DERA: variants seen among roughly 807,000 people sequenced by gnomAD.
DERA encodes the protein deoxyribose-phosphate aldolase.
In DERA, 15 loss-of-function variants were observed where a neutral mutation model predicts 41.1. The observed-to-expected ratio is 0.37, with a 90% CI of 0.24 to 0.56. DERA has a LOEUF of 0.56. DERA is among the 20% of genes least tolerant of loss of function. The probability of loss-of-function intolerance (pLI) is 0.81; values close to 1 mark genes in which losing one functional copy is unlikely to be tolerated. For missense variants in DERA, 396 were observed against 403.4 expected, an observed-to-expected ratio of 0.98 and a Z score of 0.16; for synonymous variants, 139 against 137.4, an observed-to-expected ratio of 1.01 and a Z score of -0.08.
chr12:15,921,921 T>C lies in DERA; in HGVS notation c.31+10507T>C, dbSNP rs891497836. Among the ~76,000 whole-genome samples, 7 of 84,950 alleles carry C rather than the reference T, an allele frequency of 8.2e-5. No individual in the cohort carries two copies. The highest frequency in any genetic ancestry group is 1.9e-4 in the Non-Finnish European group (7 of 37,014). 55.7% of individuals were successfully genotyped at this position (84,950 alleles called of 152,430 possible). A position where few individuals can be genotyped will look rare whatever the true frequency, so the allele number is the denominator to read the frequency against. On this transcript the variant is annotated intron_variant, in intron 1 of 8. Coordinates refer to ENST00000428559, the MANE Select transcript of DERA (RefSeq NM_015954.4). The surrounding 1 kb of genome is among the most constrained non-coding windows in gnomAD (Gnocchi z 5.3). Reference sequence around the variant, plus strand: ...AGCCTGGGTGACGAGCAAAACTCCATCTCAGATAATAATAATAATAATAAA... The same window carrying C: ...AGCCTGGGTGACGAGCAAAACTCCACCTCAGATAATAATAATAATAATAAA...
intron 6 of DERA, among the ~76,000 whole-genome samples, chr12:16,024,741 A>G (rs1949042119): frequency 6.6e-6 from 1 of 152,200 alleles, no homozygotes; most frequent in South Asian, 2.1e-4. Context: ...GGAGAAGAAA[A>G]CTTATATAGA....
intron 5 of DERA, among the ~76,000 whole-genome samples, chr12:15,977,201 T>G (rs1163211679): frequency 6.6e-6 from 1 of 152,008 alleles, no homozygotes; most frequent in Non-Finnish European, 1.5e-5. Context: ...TAGAAGGGAG[T>G]TGACATCCTT....
intron 7 of DERA, chr12:16,032,945 A>G (rs1592059899): frequency 3.3e-6 from 1 of 305,408 alleles, no homozygotes; most frequent in Non-Finnish European, 6.1e-6. Flanking sequence ...AGATTCCTAA[A>G]TGGGTTCTTT....
In DERA at chr12:16,026,868, T is replaced by C. The variant is rs947221162; in HGVS notation, c.638-5674T>C. Among the ~76,000 whole-genome samples, 2 of 152,106 alleles carry C rather than the reference T, an allele frequency of 1.3e-5. No individual in the cohort carries two copies. Among genetic ancestry groups the C allele is most frequent in the Non-Finnish European group, 2.9e-5 (2 of 67,974 alleles). On this transcript the variant is annotated intron_variant, in intron 6 of 8. Transcript: ENST00000428559. This position sits in a 1 kb window ranked among gnomAD's most constrained non-coding sequence, Gnocchi z 4.4. ...AAGACACTGCCAGAAAGAAAACCTATAGATGAACATCTTTAATGAACATAC... is the reference window on the plus strand; with the variant it reads ...AAGACACTGCCAGAAAGAAAACCTACAGATGAACATCTTTAATGAACATAC...
rs1948821448 is a variant in DERA at position 15,994,207 on chromosome 12, T to C, written c.637+11771T>C. On this transcript the variant is annotated intron_variant, in intron 6 of 8. Transcript: ENST00000428559. This position sits in a 1 kb window ranked among gnomAD's most constrained non-coding sequence, Gnocchi z 4.8. ...CTGATAGATTCAGGTATCACACATA[T>C]GAGTACAGTGGCATCAATGATATAT... Among the ~76,000 whole-genome samples the C allele has an allele frequency of 6.6e-6, 1 of 152,212 alleles. No individual in the cohort carries two copies. The highest frequency in any genetic ancestry group is 1.5e-5 in the Non-Finnish European group (1 of 68,030).
At chr12:15,916,813 TG>T (rs955174348) in intron 1 of DERA, among the ~76,000 whole-genome samples, 1 of 152,198 alleles carries the variant, frequency 6.6e-6, no homozygotes, top group African/African-American at 2.4e-5. Context: ...GGTCTTGCTG[TG>T]TTGCCTAGGC....
At chr12:15,953,420 A>G (rs1948513552) in intron 1 of DERA, among the ~76,000 whole-genome samples, 1 of 152,186 alleles carries the variant, frequency 6.6e-6, no homozygotes, top group South Asian at 2.1e-4. Flanking sequence ...TGCAGGGAAA[A>G]TGACCTCCAT....
intron 6 of DERA, among the ~76,000 whole-genome samples, chr12:16,029,318 G>T (rs1949074583): frequency 6.6e-6 from 1 of 152,176 alleles, no homozygotes; most frequent in Non-Finnish European, 1.5e-5. Context: ...AGCTACTCGG[G>T]AGGCTGAGGC....
At position 15,992,319 on chromosome 12, in the gene DERA, G is replaced by A. The variant is rs576261538; in HGVS notation, c.637+9883G>A. ...CCAAAATCTTGTAGAATTTGAACAT[G>A]TTATTTTAGAGGGCAACTCTTATTT... On this transcript the variant is annotated intron_variant, in intron 6 of 8. Coordinates refer to ENST00000428559, the MANE Select transcript of DERA (RefSeq NM_015954.4). The surrounding 1 kb of genome is among the most constrained non-coding windows in gnomAD (Gnocchi z 4.3). 2.6e-5 allele frequency among the ~76,000 whole-genome samples: 4 copies of A among 152,200 alleles called. No individual in the cohort carries two copies. In the South Asian group the frequency reaches 8.3e-4, roughly 32 times the overall value.
chr12:15,932,448 G>A (rs139343997), intron 1 of DERA, among the ~76,000 whole-genome samples: 62 of 152,210 alleles, frequency 4.1e-4, no homozygotes, highest in African/African-American at 1.4e-3. Flanking sequence ...CCAGGAGTTT[G>A]AGACTAGTCT....
chr12:15,950,033 C>T (rs1053470453), intron 1 of DERA, among the ~76,000 whole-genome samples: 6 of 152,106 alleles, frequency 3.9e-5, no homozygotes, highest in Admixed American at 6.5e-5. Flanking sequence ...CCTGCTTTGC[C>T]TTAGATATGA....
chr12:16,026,595 CA>C lies in DERA; in HGVS notation c.638-5946del, dbSNP rs1202556176. The stretch of plus-strand genomic sequence containing the variant: ...TACATAAATTGTAAATATATTTACA[CA>C]TTTATGTAAATATATAACATATTTT... On this transcript the variant is annotated intron_variant, in intron 6 of 8. Coordinates refer to ENST00000428559, the MANE Select transcript of DERA (RefSeq NM_015954.4). The surrounding 1 kb of genome is among the most constrained non-coding windows in gnomAD (Gnocchi z 4.4). Among the ~76,000 whole-genome samples the C allele has an allele frequency of 2.0e-5, 3 of 147,716 alleles. No individual in the cohort carries two copies. The highest frequency in any genetic ancestry group is 4.5e-5 in the Non-Finnish European group (3 of 67,250).
chr12:15,962,717 A>T, intron 4 of DERA, 96 bp from the exon 5 acceptor site: 2 of 1,025,768 alleles, frequency 1.9e-6, no homozygotes, highest in Non-Finnish European at 2.8e-6. Flanking sequence ...ATGAACTACT[A>T]CTGACCAATT....
In DERA at chr12:16,008,169, T is replaced by C. The variant is rs1948925202; in HGVS notation, c.638-24373T>C. 6.6e-6 allele frequency among the ~76,000 whole-genome samples: 1 copy of C among 152,186 alleles called. No individual in the cohort carries two copies. Among genetic ancestry groups the C allele is most frequent in the South Asian group, 2.1e-4 (1 of 4,828 alleles). ...CAACAGGCCAGATAACACAGTTTCT[T>C]TTTCTCTGTTTCTTCAGCAACGTGC... On this transcript the variant is annotated intron_variant, in intron 6 of 8. Transcript: ENST00000428559. The surrounding 1 kb of genome is among the most constrained non-coding windows in gnomAD (Gnocchi z 4.8).
intron 6 of DERA, among the ~76,000 whole-genome samples, chr12:16,006,633 C>A (rs11829807): frequency 0.081 from 12,357 of 152,272 alleles, 1,503 homozygotes; most frequent in African/African-American, 0.26. Flanking sequence ...TCCTAGCTAT[C>A]CCTCTCTTCT....
rs746139722 is a variant in DERA, at chr12:15,958,276, A to T, written c.218A>T (p.Tyr73Phe). 18 of 1,601,242 alleles carry T rather than the reference A, an allele frequency of 1.1e-5. No homozygotes were observed. The highest frequency in any genetic ancestry group is 1.7e-5 in the Admixed American group (1 of 58,044). ...DTSSNIQRLCYKAKYPIREDL... is the reference protein window; with the variant it reads ...DTSSNIQRLCFKAKYPIREDL... ...TCTTCCAACATTCAAAGGCTCTGTT[A>T]TAAAGCCAAATACCCAATCCGGGAA... The change falls in exon 3 of 9, where the codon TAT becomes TTT. Residue 73 changes from tyrosine to phenylalanine, a missense_variant. Tyr to Phe is a conservative substitution (Grantham distance 22). Transcript: ENST00000428559.
rs1222290075 is a variant in DERA, at chr12:15,992,352, AC to A, written c.637+9917del. Among the ~76,000 whole-genome samples, 5 of 152,148 alleles carry A rather than the reference AC, an allele frequency of 3.3e-5. No individual in the cohort carries two copies. Among genetic ancestry groups the A allele is most frequent in the African/African-American group, 4.8e-5 (2 of 41,446 alleles). On this transcript the variant is annotated intron_variant, in intron 6 of 8. Coordinates refer to ENST00000428559, the MANE Select transcript of DERA (RefSeq NM_015954.4). The surrounding 1 kb of genome is among the most constrained non-coding windows in gnomAD (Gnocchi z 4.3). Reference sequence around the variant, plus strand: ...AGAGGGCAACTCTTATTTTAGTTGAACAAAAAGAGAGACAATTTATATTTTA... The same window carrying A: ...AGAGGGCAACTCTTATTTTAGTTGAAAAAAAGAGAGACAATTTATATTTTA...
intron 5 of DERA, among the ~76,000 whole-genome samples, chr12:15,973,118 C>A (rs1182200087): frequency 6.6e-6 from 1 of 152,090 alleles, no homozygotes; most frequent in Non-Finnish European, 1.5e-5. Flanking sequence ...AGGTTATGAC[C>A]TCTACTTCTT....
chr12:16,013,693 G>A lies in DERA; in HGVS notation c.638-18849G>A, dbSNP rs1948961828. ...TATAAGGATACCCGAAAATGCGGAA[G>A]CAACTTTGGAACTGGTTAACAGGAA... On this transcript the variant is annotated intron_variant, in intron 6 of 8. Transcript: ENST00000428559. This position sits in a 1 kb window ranked among gnomAD's most constrained non-coding sequence, Gnocchi z 5.8. 6.6e-6 allele frequency among the ~76,000 whole-genome samples: 1 copy of A among 152,252 alleles called. No homozygotes were observed.
Sources: allele counts gnomAD v4.1 joint callset (sites outside exome capture counted in the v4.1 genomes callset), GRCh38; gene constraint gnomAD v4.1.1; non-coding constraint Gnocchi (gnomAD v3.1); transcripts MANE v1.5; gene names NCBI Gene and HGNC (gene_info 2026-07-23, HGNC 2026-07-21).